Variants in DNAH3 observed in about 807,000 individuals in gnomAD.
The protein encoded by DNAH3 is axonemal beta dynein heavy chain 3.
DNAH3 carries 332 observed loss-of-function variants against 432.5 expected under a neutral mutation model. The observed-to-expected ratio is 0.77, with a 90% confidence interval of 0.70 to 0.84. The LOEUF (loss-of-function observed/expected upper bound fraction) is 0.84, where lower values mean the gene tolerates loss of function less well. Ranked by LOEUF, DNAH3 falls within the 40% of genes least tolerant of loss-of-function variation. The pLI is 0.00. For synonymous variants in DNAH3, 1,956 were observed against 1,900.2 expected (o/e 1.03, Z -0.76); for missense variants, 4,861 against 5,114.0 (o/e 0.95, Z 1.51).
At chr16:21,024,058 G>A (rs909526233) in intron 39 of DNAH3, among the ~76,000 whole-genome samples, 2 of 152,010 alleles carry the variant, frequency 1.3e-5, no homozygotes, top group African/African-American at 4.8e-5. Flanking sequence ...CTGAGAGTGT[G>A]GTCAGGTACC....
intron 1 of DNAH3, among the ~76,000 whole-genome samples, chr16:21,155,621 CAAAAAAA>C (rs369001374): frequency 1.8e-4 from 14 of 76,814 alleles, no homozygotes; most frequent in Admixed American, 1.5e-3. Context: ...GACTCCGTCT[CAAAAAAA>C]AAAAAAAAAA....
intron 18 of DNAH3, among the ~76,000 whole-genome samples, chr16:21,093,856 T>C (rs1427061404): frequency 2.0e-5 from 3 of 152,122 alleles, no homozygotes; most frequent in Admixed American, 6.5e-5. Flanking sequence ...CCATTGGACA[T>C]TTATATGTAA....
chr16:20,989,254 C>T (rs902476802), intron 44 of DNAH3, among the ~76,000 whole-genome samples: 1 of 152,174 alleles, frequency 6.6e-6, no homozygotes, highest in African/African-American at 2.4e-5. Context: ...CAAAGGTTCT[C>T]CTCGTCCCCA....
intron 49 of DNAH3, 65 bp from the exon 50 acceptor site, chr16:20,979,611 T>C: frequency 6.9e-7 from 1 of 1,441,844 alleles, no homozygotes; most frequent in Non-Finnish European, 9.7e-7. Flanking sequence ...AGTACAGCTT[T>C]AGTTATAGAC....
At chr16:20,941,289 C>A in intron 59 of DNAH3, 112 bp downstream of exon 59, 1 of 1,296,536 alleles carries the variant, frequency 7.7e-7, no homozygotes. Context: ...ACCCCTAATA[C>A]GGGTGGGGCA....
exon 58 of DNAH3, chr16:20,944,573 G>C (rs2083959614): frequency 6.2e-7 from 1 of 1,614,060 alleles, no homozygotes; most frequent in African/African-American, 1.3e-5. Flanking sequence ...TTGGTTTCCT[G>C]GTTGTCTTTG....
intron 42 of DNAH3, among the ~76,000 whole-genome samples, chr16:21,000,794 G>A (rs775243681): frequency 6.6e-6 from 1 of 152,200 alleles, no homozygotes. Context: ...AGACTGGGTC[G>A]AGAGCCTTTC....
chr16:20,968,753 C>G (rs558585303), intron 52 of DNAH3, among the ~76,000 whole-genome samples: 5 of 151,998 alleles, frequency 3.3e-5, no homozygotes, highest in Admixed American at 1.3e-4. Context: ...CTCTCTCCCT[C>G]TAATTTTCCA....
At chr16:21,133,559 G>A (rs1021875144) in intron 7 of DNAH3, among the ~76,000 whole-genome samples, 1 of 151,948 alleles carries the variant, frequency 6.6e-6, no homozygotes, top group East Asian at 1.9e-4. Flanking sequence ...TGACCAACAT[G>A]GAGAAACCCC....
At position 21,122,140 on chromosome 16, in the gene DNAH3, G is replaced by T. The variant is rs1234126178; in HGVS notation, c.1405-16C>A. 6.3e-7 allele frequency: 1 copy of T among 1,592,788 alleles called. No homozygotes were observed. The highest frequency in any genetic ancestry group is 8.5e-7 in the Non-Finnish European group (1 of 1,170,936). ...CATTCCCATCCTTCAGGAGACATAA[G>T]GTAGGGCAAGCGTTACAAAATTGGG... On this transcript the variant is annotated splice_polypyrimidine_tract_variant and intron_variant, in intron 9 of 61. Coordinates refer to ENST00000261383, the Ensembl canonical transcript of DNAH3.
At chr16:21,106,248 T>C (rs1374334237) in intron 15 of DNAH3, among the ~76,000 whole-genome samples, 2 of 151,306 alleles carry the variant, frequency 1.3e-5, no homozygotes, top group African/African-American at 4.9e-5. Flanking sequence ...TCTAACAAGA[T>C]TCCTTTTGTG....
At chr16:21,002,993 T>C (rs1471023792) in intron 42 of DNAH3, 111 bp downstream of exon 42, 6 of 744,258 alleles carry the variant, frequency 8.1e-6, no homozygotes, top group Admixed American at 7.7e-5. Context: ...TAAATATTTT[T>C]CTAAAGAAAG....
intron 21 of DNAH3, among the ~76,000 whole-genome samples, chr16:21,075,095 A>T (rs2639782): frequency 0.31 from 47,191 of 151,998 alleles, 7,607 homozygotes; most frequent in East Asian, 0.54. Flanking sequence ...TCTGAGAAAC[A>T]CTAGTCATTG....
chr16:21,086,811 G>A (rs755925145), intron 19 of DNAH3, 38 bp downstream of exon 19: 4 of 1,579,600 alleles, frequency 2.5e-6, no homozygotes, highest in East Asian at 2.2e-5. Context: ...CCAGGCCTGG[G>A]CTGCGCTGCT....
rs752559320 is a variant in DNAH3, at chr16:20,997,344, G to T, written c.6540C>A (p.Ile2180=). 1.9e-6 allele frequency: 3 copies of T among 1,614,028 alleles called. No homozygotes were observed. The African/African-American group carries it at 4.0e-5, about 22-fold the overall frequency. The change falls in exon 44 of 62, where the codon ATC becomes ATA. Residue 2180 remains isoleucine, a synonymous_variant. Coordinates refer to ENST00000261383, the Ensembl canonical transcript of DNAH3. The stretch of plus-strand genomic sequence containing the variant: ...TGGCTGTCACGAGCAGCATGTCCAC[G>T]ATGTCCAGCCTGGTTGTGTCTTTTT...
At chr16:21,024,979 C>A (rs2088466398) in intron 38 of DNAH3, among the ~76,000 whole-genome samples, 1 of 152,128 alleles carries the variant, frequency 6.6e-6, no homozygotes, top group Non-Finnish European at 1.5e-5. Context: ...GGCTGGAGTA[C>A]AGTGGTGCAA....
intron 16 of DNAH3, among the ~76,000 whole-genome samples, chr16:21,101,667 G>C (rs1437759328): frequency 6.6e-6 from 1 of 152,198 alleles, no homozygotes; most frequent in Non-Finnish European, 1.5e-5. Context: ...ACTAGCATCA[G>C]AGGGAAGCCA....
chr16:21,078,051 GA>G (rs1184783031), intron 20 of DNAH3, among the ~76,000 whole-genome samples: 1 of 152,092 alleles, frequency 6.6e-6, no homozygotes, highest in African/African-American at 2.4e-5. Flanking sequence ...CAAGGCAGGT[GA>G]ATCACCTGAG....
At chr16:20,953,396 T>G (rs1455489699) in intron 55 of DNAH3, among the ~76,000 whole-genome samples, 2 of 152,128 alleles carry the variant, frequency 1.3e-5, no homozygotes, top group Admixed American at 1.3e-4. Context: ...TGATCGCAAG[T>G]GATCCGCCTG....
Sources: allele counts gnomAD v4.1 joint callset (sites outside exome capture counted in the v4.1 genomes callset), GRCh38; gene constraint gnomAD v4.1.1; transcripts MANE v1.5; gene names NCBI Gene and HGNC (gene_info 2026-07-23, HGNC 2026-07-21).